The following THSD7B variants were observed in gnomAD, a reference collection of about 807,000 sequenced individuals.
The protein encoded by THSD7B is thrombospondin type-1 domain-containing protein 7B.
In THSD7B, 138 loss-of-function variants were observed where a neutral mutation model predicts 213.6. The observed-to-expected ratio is 0.65, with a 90% CI of 0.56 to 0.74. The LOEUF (loss-of-function observed/expected upper bound fraction) is 0.74. Among genes scored for constraint, THSD7B ranks in the 30% least tolerant of loss-of-function variants. The pLI, the probability that THSD7B is intolerant of heterozygous loss-of-function variation, is 0.00. For synonymous variants in THSD7B, 742 were observed against 687.0 expected (o/e 1.08, Z -1.25); for missense variants, 1,931 against 1,991.5 (o/e 0.97, Z 0.58).
rs146617424 is a variant in THSD7B at position 137,645,343 on chromosome 2, A to G, written c.3945+2710A>G. 3.9e-5 allele frequency among the ~76,000 whole-genome samples: 6 copies of G among 152,318 alleles called. No individual in the cohort carries two copies. In the East Asian group the frequency reaches 1.2e-3, roughly 29 times the overall value. Reference sequence around the variant, plus strand: ...ATTCATTGTATACAAAACCTCTATTAATGCTCTAGGCAATGGAGAGTTAAC... The same window carrying G: ...ATTCATTGTATACAAAACCTCTATTGATGCTCTAGGCAATGGAGAGTTAAC... On this transcript the variant is annotated intron_variant, in intron 21 of 27. Coordinates refer to ENST00000409968, the MANE Select transcript of THSD7B (RefSeq NM_001316349.2).
At chr2:137,164,067 A>G (rs1408294359) in intron 6 of THSD7B, among the ~76,000 whole-genome samples, 2 of 152,142 alleles carry the variant, frequency 1.3e-5, no homozygotes, top group Non-Finnish European at 2.9e-5. Flanking sequence ...AGAGCAAATC[A>G]TTGAGCAGAT....
chr2:136,984,217 G>C (rs993686082), intron 2 of THSD7B, among the ~76,000 whole-genome samples: 13 of 152,198 alleles, frequency 8.5e-5, no homozygotes, highest in African/African-American at 3.1e-4. Flanking sequence ...AGCTGTACAA[G>C]ATGTGGAATG....
rs200809492 is a variant in THSD7B, at chr2:136,877,922, C to CTT, written c.-35-4221_-35-4220dup. Among the ~76,000 whole-genome samples the CTT allele has an allele frequency of 4.6e-3, 698 of 150,928 alleles. 5 individuals are homozygous for CTT. Among genetic ancestry groups the CTT allele is most frequent in the African/African-American group, 0.016 (661 of 41,110 alleles). On this transcript the variant is annotated intron_variant, in intron 1 of 27. Coordinates refer to ENST00000409968, the MANE Select transcript of THSD7B (RefSeq NM_001316349.2). ...ATAGACTGCAATAGCCATTTCTTTT[C>CTT]TTGTTTTTTTAATTATACTTTAAGT...
At chr2:137,583,350 C>T (rs1412139540) in intron 17 of THSD7B, among the ~76,000 whole-genome samples, 1 of 152,140 alleles carries the variant, frequency 6.6e-6, no homozygotes, top group Non-Finnish European at 1.5e-5. Flanking sequence ...TAATTAGATC[C>T]CATTTGTCAA....
intron 3 of THSD7B, among the ~76,000 whole-genome samples, chr2:137,074,879 A>C (rs918026591): frequency 6.6e-6 from 1 of 152,182 alleles, no homozygotes; most frequent in African/African-American, 2.4e-5. Flanking sequence ...TTCTGGGTTG[A>C]AAATTCTTTT....
chr2:136,880,013 A>G (rs1266206103), intron 1 of THSD7B, among the ~76,000 whole-genome samples: 1 of 152,154 alleles, frequency 6.6e-6, no homozygotes, highest in African/African-American at 2.4e-5. Flanking sequence ...ACACAATAAT[A>G]ATGGGAAACT....
At chr2:137,376,435 T>G (rs894287053) in intron 12 of THSD7B, among the ~76,000 whole-genome samples, 8 of 152,338 alleles carry the variant, frequency 5.3e-5, no homozygotes, top group East Asian at 3.9e-4. Context: ...ACCATCCATC[T>G]GTCAAATCCA....
chr2:136,956,601 C>CAAAAAAAA (rs10676991), intron 2 of THSD7B, among the ~76,000 whole-genome samples: 1 of 121,606 alleles, frequency 8.2e-6, no homozygotes, highest in African/African-American at 2.9e-5. Flanking sequence ...GACCCTGTCT[C>CAAAAAAAA]AAAAAAAAAA....
At chr2:137,247,241 A>T (rs187786556) in intron 10 of THSD7B, among the ~76,000 whole-genome samples, 241 of 152,322 alleles carry the variant, frequency 1.6e-3, no homozygotes, top group African/African-American at 5.5e-3. Flanking sequence ...GCATATTTTC[A>T]ACATTTAATT....
At chr2:137,325,992 G>A (rs1684366808) in intron 12 of THSD7B, among the ~76,000 whole-genome samples, 2 of 152,200 alleles carry the variant, frequency 1.3e-5, no homozygotes, top group African/African-American at 4.8e-5. Flanking sequence ...TTTCTTAGAA[G>A]CCTTCTGAAA....
chr2:137,675,315 T>A (rs200823378), intron 27 of THSD7B, among the ~76,000 whole-genome samples: 1 of 1,836 alleles, frequency 5.4e-4, no homozygotes, highest in South Asian at 0.1. Context: ...AAAATCTTTG[T>A]TTTTTACGTT....
chr2:136,933,359 G>C (rs1684666657), intron 2 of THSD7B, among the ~76,000 whole-genome samples: 1 of 152,112 alleles, frequency 6.6e-6, no homozygotes, highest in African/African-American at 2.4e-5. Flanking sequence ...CAGATCACCT[G>C]AGGTCAGGAG....
chr2:137,621,760 G>A (rs1188122936), intron 20 of THSD7B, among the ~76,000 whole-genome samples: 1 of 152,178 alleles, frequency 6.6e-6, no homozygotes, highest in African/African-American at 2.4e-5. Flanking sequence ...AGTGCATTTT[G>A]TGCTGCTATA....
rs538566311 is a variant in THSD7B, at chr2:137,191,347, T to C, written c.1723+20409T>C. ...ATTTATAATTTTATTTTCAAAATTG[T>C]ATGTAAATCTCCTAACTATTACTTG... On this transcript the variant is annotated intron_variant, in intron 7 of 27. Transcript: ENST00000409968. 8.3e-4 allele frequency among the ~76,000 whole-genome samples: 126 copies of C among 152,318 alleles called. 1 individual carries two copies. The highest frequency in any genetic ancestry group is 1.3e-3 in the Non-Finnish European group (88 of 68,038).
chr2:137,262,946 T>G (rs1682486623), intron 10 of THSD7B, among the ~76,000 whole-genome samples: 1 of 152,166 alleles, frequency 6.6e-6, no homozygotes, highest in Admixed American at 6.6e-5. Flanking sequence ...TATGGATGAC[T>G]TCAGTTGTGA....
intron 14 of THSD7B, among the ~76,000 whole-genome samples, chr2:137,428,906 CT>C (rs1687115737): frequency 6.6e-6 from 1 of 152,162 alleles, no homozygotes; most frequent in South Asian, 2.1e-4. Flanking sequence ...CATAAACAGG[CT>C]TGAGGGAACC....
chr2:136,773,577 C>T (rs1043552407), intron 1 of THSD7B, among the ~76,000 whole-genome samples: 27 of 152,166 alleles, frequency 1.8e-4, no homozygotes, highest in African/African-American at 5.5e-4. Context: ...TTTAGATCTT[C>T]GCTGTATTAC....
At chr2:137,558,199 C>G (rs1441499617) in intron 15 of THSD7B, among the ~76,000 whole-genome samples, 2 of 152,170 alleles carry the variant, frequency 1.3e-5, no homozygotes, top group South Asian at 2.1e-4. Context: ...GGGAATTCTC[C>G]CTAACTCATT....
chr2:137,503,922 G>A (rs1336735519), intron 15 of THSD7B, among the ~76,000 whole-genome samples: 1 of 151,836 alleles, frequency 6.6e-6, no homozygotes, highest in African/African-American at 2.4e-5. Context: ...CTACCTGGGG[G>A]AGGCTGAGGC....
Sources: allele counts gnomAD v4.1 joint callset (sites outside exome capture counted in the v4.1 genomes callset), GRCh38; gene constraint gnomAD v4.1.1; transcripts MANE v1.5; gene names NCBI Gene and HGNC (gene_info 2026-07-23, HGNC 2026-07-21).